PAEP: variants seen among roughly 807,000 people sequenced by gnomAD.
PAEP encodes the protein progestagen associated endometrial protein, also known as glycodelin.
A neutral mutation model predicts 23.0 loss-of-function variants in PAEP; 28 were observed. That is an observed-to-expected ratio of 1.22 (90% CI 0.90 to 1.67). The LOEUF (loss-of-function observed/expected upper bound fraction) is 1.67. Among genes scored for constraint, PAEP ranks in the 40% most tolerant of loss-of-function variants. The pLI is 0.00. For missense variants in PAEP, 209 were observed against 226.4 expected, an observed-to-expected ratio of 0.92 and a Z score of 0.49; for synonymous variants, 103 against 92.4, an observed-to-expected ratio of 1.12 and a Z score of -0.66.
intron 2 of PAEP, 152 bp from the exon 3 acceptor site, chr9:135,562,668 C>G: frequency 1.2e-6 from 1 of 815,874 alleles, no homozygotes; most frequent in Non-Finnish European, 2.0e-6. Context: ...CACAGTGCAG[C>G]CCCAGGTCAG....
intron 1 of PAEP, 46 bp downstream of exon 1, chr9:135,561,943 C>A: frequency 8.7e-5 from 57 of 654,884 alleles, no homozygotes; most frequent in Non-Finnish European, 1.3e-4. Context: ...AGGCCTGGGG[C>A]GGGTGGGAGC....
rs1832338568 is a variant in PAEP, at chr9:135,562,315, A to G, written c.118A>G (p.Met40Val). The change falls in exon 2 of 7, where the codon ATG (methionine) becomes GTG (valine). Residue 40 changes from methionine (M) to valine (V), a missense_variant. Met to Val is a conservative substitution (Grantham distance 21, BLOSUM62 1). Coordinates refer to ENST00000479141, the MANE Select transcript of PAEP (RefSeq NM_002571.4). ...LPKLAGTWHS[M>V]AMATNNISLM... ...TCAGTTGGCAGGGACCTGGCACTCC[A>G]TGGCCATGGCGACCAACAACATCTC... 2 of 1,613,926 alleles carry G rather than the reference A, an allele frequency of 1.2e-6. No individual in the cohort carries two copies. The highest frequency in any genetic ancestry group is 1.7e-6 in the Non-Finnish European group (2 of 1,179,978).
intron 1 of PAEP, 57 bp from the exon 2 acceptor site, chr9:135,562,237 G>A (rs575181937): frequency 4.0e-5 from 63 of 1,588,632 alleles, no homozygotes; most frequent in Middle Eastern, 3.4e-4. Flanking sequence ...CGTCTGCACC[G>A]GGTGCAACGA....
intron 5 of PAEP, 26 bp downstream of exon 5, chr9:135,565,540 GC>G: frequency 1.3e-6 from 2 of 1,591,452 alleles, no homozygotes; most frequent in Non-Finnish European, 1.7e-6. Flanking sequence ...GACACGCCCA[GC>G]CTCAGCTGGA....
chr9:135,566,082 A>C, intron 6 of PAEP: 1 of 491,888 alleles, frequency 2.0e-6, no homozygotes. Context: ...TTGGTTGGAA[A>C]TGGTGGGGGC....
At chr9:135,563,106 G>A (rs1832389555) in intron 3 of PAEP, among the ~76,000 whole-genome samples, 1 of 152,280 alleles carries the variant, frequency 6.6e-6, no homozygotes, top group Non-Finnish European at 1.5e-5. Flanking sequence ...TTCTTGGCAT[G>A]ACATGACTGG....
At chr9:135,564,974 G>A (rs544376709) in intron 4 of PAEP, 1 of 695,966 alleles carries the variant, frequency 1.4e-6, no homozygotes, top group African/African-American at 1.9e-5. Flanking sequence ...ACCAAACGAA[G>A]GCCAGGAATA....
chr9:135,565,235 T>G, intron 4 of PAEP, 175 bp from the exon 5 acceptor site: 1 of 611,524 alleles, frequency 1.6e-6, no homozygotes, highest in South Asian at 2.0e-5. Flanking sequence ...AACCTGGAGG[T>G]GCAGTGGACA....
rs1392286265 is a variant in PAEP at position 135,564,277 on chromosome 9, C to T, written c.344C>T (p.Thr115Ile). 6.4e-7 allele frequency: 1 copy of T among 1,553,464 alleles called. No individual in the cohort carries two copies. The highest frequency in any genetic ancestry group is 2.0e-5 in the Admixed American group (1 of 51,072). ...GCGAACGAGGCCACGCTGCTCGATA[C>T]TGACTACGACAATTTCCTGTTTCTC... is the stretch of plus-strand genomic sequence containing the variant. ...TVANEATLLD[T>I]DYDNFLFLCL... The change falls in exon 4 of 7, where the codon ACT becomes ATT. Residue 115 changes from threonine to isoleucine, a missense_variant. By Grantham distance (89) the Thr-to-Ile change is moderately conservative (BLOSUM62 -1). Transcript: ENST00000479141.
At chr9:135,562,000 C>A in intron 1 of PAEP, 103 bp downstream of exon 1, 2 of 942,678 alleles carry the variant, frequency 2.1e-6, no homozygotes, top group Non-Finnish European at 3.2e-6. Context: ...ACAGGAAGCA[C>A]AGAATGGACG....
At chr9:135,562,997 C>A (rs1024820189) in intron 3 of PAEP, 104 bp downstream of exon 3, 21 of 829,042 alleles carry the variant, frequency 2.5e-5, no homozygotes, top group Admixed American at 3.8e-5. Context: ...CCTGGCCTGT[C>A]CCCACTCTCT....
chr9:135,564,419 C>T lies in PAEP; in HGVS notation c.421+65C>T, dbSNP rs200397020. The T allele has an allele frequency of 7.7e-3, 11,857 of 1,530,206 alleles. 129 individuals are homozygous for T. Among genetic ancestry groups the T allele is most frequent in the Middle Eastern group, 0.045 (191 of 4,280 alleles). The allele number at this position is 1,530,206 out of a possible 1,614,324, so 94.8% of individuals were successfully genotyped here. A position where few individuals can be genotyped will look rare whatever the true frequency, so the allele number is the denominator to read the frequency against. The stretch of plus-strand genomic sequence containing the variant: ...CAGCAGCTACGTCCGTGGCTGGGAA[C>T]CCTGGGGAGCTGACAACTGGCTTCC... On this transcript the variant is annotated intron_variant, in intron 4 of 6. Transcript: ENST00000479141.
intron 3 of PAEP, among the ~76,000 whole-genome samples, chr9:135,563,244 A>G (rs1832398960): frequency 6.6e-6 from 1 of 150,870 alleles, no homozygotes; most frequent in South Asian, 2.1e-4. Context: ...GTAGGTGGGT[A>G]GGTGGATATG....
At chr9:135,562,601 A>C (rs1394792055) in intron 2 of PAEP, among the ~76,000 whole-genome samples, 168 bp downstream of exon 2, 2 of 152,164 alleles carry the variant, frequency 1.3e-5, no homozygotes, top group African/African-American at 4.8e-5. Context: ...CCAGGGCTCC[A>C]GACGTTCCCT....
chr9:135,565,247 A>C, intron 4 of PAEP, 163 bp from the exon 5 acceptor site: 1 of 628,630 alleles, frequency 1.6e-6, no homozygotes, highest in South Asian at 1.9e-5. Flanking sequence ...CAGTGGACAG[A>C]GCCCCGGAGA....
intron 4 of PAEP, 114 bp from the exon 5 acceptor site, chr9:135,565,295 AC>A: frequency 2.3e-6 from 2 of 854,160 alleles, no homozygotes; most frequent in South Asian, 1.4e-5. Flanking sequence ...ACTCTGCCAG[AC>A]CTCGGAGCAC....
rs547019003 is a variant in PAEP, at chr9:135,563,464, G to C, written c.310+571G>C. Among the ~76,000 whole-genome samples, 18 of 149,684 alleles carry C rather than the reference G, an allele frequency of 1.2e-4. No individual in the cohort carries two copies. The South Asian group carries it at 3.4e-3, about 29-fold the overall frequency. On this transcript the variant is annotated intron_variant, in intron 3 of 6. Transcript: ENST00000479141. ...TGAACAGGTGGGTGGGTGAACAGGT[G>C]GCCAGGTGAACAAGTTGGTAGGTGG...
chr9:135,564,750 C>A (rs887919664), intron 4 of PAEP: 52 of 940,262 alleles, frequency 5.5e-5, no homozygotes, highest in Non-Finnish European at 6.5e-5. Flanking sequence ...GTGATCCACC[C>A]GCCTTGGCCT....
chr9:135,565,620 G>T (rs1267124504), intron 5 of PAEP, 106 bp downstream of exon 5: 1 of 1,363,122 alleles, frequency 7.3e-7, no homozygotes, highest in African/African-American at 1.5e-5. Flanking sequence ...CTCCTTTTTG[G>T]CCCCTCCCCT....
Sources: allele counts gnomAD v4.1 joint callset (sites outside exome capture counted in the v4.1 genomes callset), GRCh38; gene constraint gnomAD v4.1.1; transcripts MANE v1.5; gene names NCBI Gene and HGNC (gene_info 2026-07-23, HGNC 2026-07-21).